BRPF3: variants seen among roughly 807,000 people sequenced by gnomAD.
The protein encoded by BRPF3 is bromodomain and PHD finger-containing protein 3.
A neutral mutation model predicts 102.0 loss-of-function variants in BRPF3; 18 were observed. The ratio of observed to expected loss-of-function variants is 0.18; its 90% confidence interval spans 0.12 to 0.26. BRPF3 has a LOEUF of 0.26. Among genes scored for constraint, BRPF3 ranks in the 10% least tolerant of loss-of-function variants. The pLI, the probability that BRPF3 is intolerant of heterozygous loss-of-function variation, is 1.00. For synonymous variants in BRPF3, 570 were observed against 614.2 expected (o/e 0.93, Z 1.06); for missense variants, 1,147 against 1,567.8 (o/e 0.73, Z 4.53).
Position 36,209,820 on chromosome 6 carries a change from C to T in BRPF3, c.1771C>T (p.Leu591=), listed in dbSNP as rs73730485. 3,633 of 1,614,196 alleles carry T rather than the reference C, an allele frequency of 2.3e-3. 65 individuals carry two copies. In the African/African-American group the frequency reaches 0.043, roughly 19 times the overall value. The change falls in exon 5 of 13, where the codon CTG becomes TTG. Residue 591 remains leucine, a synonymous_variant. Transcript: ENST00000357641. ...KVQQAAMELE[L]MPFNVLLRTT... ...CCAGCAGGCTGCCATGGAGCTGGAG[C>T]TGATGCCATTCAATGTTCTGTTGAG...
Position 36,225,287 on chromosome 6 carries a change from T to G in BRPF3, c.3202T>G (p.Phe1068Val). 2 of 1,609,316 alleles carry G rather than the reference T, an allele frequency of 1.2e-6. No homozygotes were observed. The highest frequency in any genetic ancestry group is 1.7e-6 in the Non-Finnish European group (2 of 1,179,990). ...NGSGRSLLLP[F>V]EDRGDLEPLE... ...CCCAGGCAGAAGCCTCCTGCTGCCC[T>G]TTGAAGACCGCGGAGACCTGGAGCC... The change falls in exon 11 of 13, where the codon TTT becomes GTT. Residue 1068 changes from phenylalanine (F) to valine (V), a missense_variant. This residue lies in a region of BRPF3 where 379 missense variants were observed against 426.3 expected (regional missense o/e 0.89). Coordinates refer to ENST00000357641, the MANE Select transcript of BRPF3 (RefSeq NM_015695.3).
intron 1 of BRPF3, among the ~76,000 whole-genome samples, chr6:36,197,784 A>ATT (rs1767558077): frequency 6.6e-6 from 1 of 152,040 alleles, no homozygotes; most frequent in East Asian, 1.9e-4. Context: ...AACTCTTTTC[A>ATT]TTTCCCTCAT....
chr6:36,198,883 A>G (rs1171700948), intron 1 of BRPF3, among the ~76,000 whole-genome samples: 3 of 152,198 alleles, frequency 2.0e-5, no homozygotes, highest in Non-Finnish European at 4.4e-5. Flanking sequence ...TCTTGGCTGT[A>G]CAAGGATAGA....
At chr6:36,221,125 A>T (rs528358242) in intron 9 of BRPF3, among the ~76,000 whole-genome samples, 1 of 152,316 alleles carries the variant, frequency 6.6e-6, no homozygotes, top group African/African-American at 2.4e-5. Flanking sequence ...TTAGAATTGT[A>T]TGGGGAACAA....
At chr6:36,213,322 G>A (rs1203547622) in intron 7 of BRPF3, among the ~76,000 whole-genome samples, 1 of 152,212 alleles carries the variant, frequency 6.6e-6, no homozygotes, top group East Asian at 1.9e-4. Flanking sequence ...TGGAGCCTAG[G>A]CATTGGAATT....
rs1226573639 is a variant in BRPF3, at chr6:36,230,051, C to G, written c.3435-375C>G. ...CCTGGCATCAGCTCTACTTCCTAGC[C>G]ATCGCCCCCTAATTCTCCAACGCAA... On this transcript the variant is annotated intron_variant, in intron 12 of 12. Coordinates refer to ENST00000357641, the MANE Select transcript of BRPF3 (RefSeq NM_015695.3). The surrounding 1 kb of genome is among the most constrained non-coding windows in gnomAD (Gnocchi z 5.4). Among the ~76,000 whole-genome samples the G allele has an allele frequency of 6.6e-6, 1 of 152,212 alleles. No homozygotes were observed. The highest frequency in any genetic ancestry group is 1.5e-5 in the Non-Finnish European group (1 of 68,038).
Position 36,201,085 on chromosome 6 carries a change from C to T in BRPF3, c.763C>T (p.Leu255=). The T allele has an allele frequency of 6.2e-7, 1 of 1,614,090 alleles. No homozygotes were observed. The highest frequency in any genetic ancestry group is 8.5e-7 in the Non-Finnish European group (1 of 1,180,024). The change falls in exon 2 of 13, where the codon CTA becomes TTA. Residue 255 remains leucine, a synonymous_variant. Transcript: ENST00000357641. The surrounding 1 kb of genome is among the most constrained non-coding windows in gnomAD (Gnocchi z 5.1). The part of the protein sequence containing the change: ...GVPYIPEGQW[L]CRCCLQSPSR... ...CCCATACATCCCTGAGGGCCAGTGG[C>T]TATGCCGCTGCTGCCTGCAGTCTCC... is the stretch of plus-strand genomic sequence containing the variant.
At position 36,214,128 on chromosome 6, in the gene BRPF3, G is replaced by T. The variant is rs1768234518; in HGVS notation, c.2731G>T (p.Ala911Ser). Residue 911 changes from alanine to serine, a missense_variant, in exon 8 of 13, where the codon GCC becomes TCC. Ala to Ser is a moderately conservative substitution (Grantham distance 99, BLOSUM62 1). Transcript: ENST00000357641. ...DNGINRLSLM[A>S]PDTPAGTPLS... ...TGGCATCAACAGACTATCCCTCATG[G>T]CCCCTGACACCCCGGCCGGTACCCC... is the stretch of plus-strand genomic sequence containing the variant. 6.2e-7 allele frequency: 1 copy of T among 1,614,088 alleles called. No homozygotes were observed. Among genetic ancestry groups the T allele is most frequent in the Non-Finnish European group, 8.5e-7 (1 of 1,180,054 alleles).
Position 36,230,319 on chromosome 6 carries a change from TG to T in BRPF3, c.3435-106del, listed in dbSNP as rs140225822. The T allele has an allele frequency of 6.1e-4, 710 of 1,168,512 alleles. 3 individuals carry two copies. The African/African-American group carries it at 9.0e-3, about 15-fold the overall frequency. 72.4% of individuals were successfully genotyped at this position (1,168,512 alleles called of 1,614,324 possible). A position where few individuals can be genotyped will look rare whatever the true frequency, so the allele number is the denominator to read the frequency against. On this transcript the variant is annotated intron_variant, in intron 12 of 12. Coordinates refer to ENST00000357641, the MANE Select transcript of BRPF3 (RefSeq NM_015695.3). The surrounding 1 kb of genome is among the most constrained non-coding windows in gnomAD (Gnocchi z 5.4). ...TCCCCCAATTTGCTTCCCTCTGCCCTGTACCCTCTCCCTGGCTTTGCTGGTC... is the reference window on the plus strand; with the variant it reads ...TCCCCCAATTTGCTTCCCTCTGCCCTTACCCTCTCCCTGGCTTTGCTGGTC...
Position 36,213,912 on chromosome 6 carries a change from G to A in BRPF3, c.2515G>A (p.Glu839Lys). 6.2e-7 allele frequency: 1 copy of A among 1,611,272 alleles called. No homozygotes were observed. The highest frequency in any genetic ancestry group is 8.5e-7 in the Non-Finnish European group (1 of 1,178,184). The change falls in exon 8 of 13, where the codon GAG (glutamate) becomes AAG (lysine). Residue 839 changes from glutamate to lysine, a missense_variant. Physicochemically the swap from Glu to Lys is moderately conservative, Grantham distance 56. This residue lies in a region of BRPF3 where 379 missense variants were observed against 426.3 expected (regional missense o/e 0.89). Transcript: ENST00000357641. ...CAAACTGCCTCCTCCGCCAACCCTGGAGCCCACTGGGCCTGCACCTTCCTT... is the reference window on the plus strand; with the variant it reads ...CAAACTGCCTCCTCCGCCAACCCTGAAGCCCACTGGGCCTGCACCTTCCTT... Reference protein sequence around the residue: ...DSKLPPPPTLEPTGPAPSLSE... With the variant: ...DSKLPPPPTLKPTGPAPSLSE...
rs1561818374 is a variant in BRPF3, at chr6:36,201,725, C to T, written c.1403C>T (p.Pro468Leu). 2 of 1,612,900 alleles carry T rather than the reference C, an allele frequency of 1.2e-6. No homozygotes were observed. Among genetic ancestry groups the T allele is most frequent in the Non-Finnish European group, 1.7e-6 (2 of 1,179,456 alleles). The change falls in exon 2 of 13, where the codon CCC (proline) becomes CTC (leucine). Residue 468 changes from proline (P) to leucine (L), a missense_variant. By Grantham distance (98) the Pro-to-Leu change is moderately conservative. This residue lies in a region of BRPF3 where 157 missense variants were observed against 163.6 expected (regional missense o/e 0.96). Coordinates refer to ENST00000357641, the MANE Select transcript of BRPF3 (RefSeq NM_015695.3). This position sits in a 1 kb window ranked among gnomAD's most constrained non-coding sequence, Gnocchi z 5.1. ...KEPEEAGQDTPSTLPMLAVPQ... is the reference protein window; with the variant it reads ...KEPEEAGQDTLSTLPMLAVPQ... Reference sequence around the variant, plus strand: ...CCAGAGGAAGCAGGCCAAGACACACCCTCCACTCTCCCCATGCTTGCTGTC... The same window carrying T: ...CCAGAGGAAGCAGGCCAAGACACACTCTCCACTCTCCCCATGCTTGCTGTC...
chr6:36,217,860 G>A lies in BRPF3; in HGVS notation c.2990-57G>A, dbSNP rs146432010. ...CCTGAGGTGGCTGCCTCACCCTGTA[G>A]CATGTGTTGGGAAGGGGGATTTCTG... is the stretch of plus-strand genomic sequence containing the variant. On this transcript the variant is annotated intron_variant, in intron 8 of 12. Transcript: ENST00000357641. 312 of 1,512,166 alleles carry A rather than the reference G, an allele frequency of 2.1e-4. No individual in the cohort carries two copies. In the African/African-American group the frequency reaches 2.8e-3, roughly 13 times the overall value. The allele number at this position is 1,512,166 out of a possible 1,614,324, so 93.7% of individuals were successfully genotyped here.
intron 7 of BRPF3, among the ~76,000 whole-genome samples, chr6:36,213,476 T>C (rs1260571512): frequency 6.6e-6 from 1 of 152,104 alleles, no homozygotes; most frequent in Non-Finnish European, 1.5e-5. Flanking sequence ...GGGGGATTGT[T>C]TGAGGCCAGG....
intron 3 of BRPF3, among the ~76,000 whole-genome samples, chr6:36,205,458 T>C (rs985063710): frequency 6.6e-6 from 1 of 152,224 alleles, no homozygotes; most frequent in Non-Finnish European, 1.5e-5. Context: ...CTGATCTCAC[T>C]TTTGCCTTTT....
rs367563122 is a variant in BRPF3, at chr6:36,214,086, C to T, written c.2689C>T (p.Arg897Cys). The change falls in exon 8 of 13, where the codon CGC (arginine) becomes TGC (cysteine). Residue 897 changes from arginine to cysteine, a missense_variant. By Grantham distance (180) the Arg-to-Cys change is radical (BLOSUM62 -3). Transcript: ENST00000357641. ...PLQLGNEPLQ[R>C]LLSDNGINRL... ...GCAGCTAGGGAATGAGCCTTTGCAA[C>T]GCTTGCTCAGTGACAATGGCATCAA... The T allele has an allele frequency of 7.9e-5, 127 of 1,614,188 alleles. No homozygotes were observed. The highest frequency in any genetic ancestry group is 2.5e-4 in the East Asian group (11 of 44,890).
At chr6:36,225,143 G>A in intron 10 of BRPF3, 124 bp from the exon 11 acceptor site, 1 of 679,578 alleles carries the variant, frequency 1.5e-6, no homozygotes, top group South Asian at 1.7e-5. Flanking sequence ...GGAAAAGGAA[G>A]GGTGGAGGGG....
At position 36,200,821 on chromosome 6, in the gene BRPF3, G is replaced by A. The variant is rs1308258370; in HGVS notation, c.499G>A (p.Val167Met). 2 of 1,614,178 alleles carry A rather than the reference G, an allele frequency of 1.2e-6. No homozygotes were observed. Among genetic ancestry groups the A allele is most frequent in the Non-Finnish European group, 1.7e-6 (2 of 1,180,034 alleles). The change falls in exon 2 of 13, where the codon GTG (valine) becomes ATG (methionine). Residue 167 changes from valine (V) to methionine (M), a missense_variant. By Grantham distance (21) the Val-to-Met change is conservative (BLOSUM62 1). Transcript: ENST00000357641. The surrounding 1 kb of genome is among the most constrained non-coding windows in gnomAD (Gnocchi z 5.3). ...GGAGGACCTTGCCTGGCTGGACATGGTGAATGAAAAACGGCGAGTAGATGG... is the reference window on the plus strand; with the variant it reads ...GGAGGACCTTGCCTGGCTGGACATGATGAATGAAAAACGGCGAGTAGATGG... ...DEEDLAWLDM[V>M]NEKRRVDGHS... is the part of the protein sequence containing the mutation.
chr6:36,230,577 C>T lies in BRPF3; in HGVS notation c.3586C>T (p.Pro1196Ser). 2 of 1,614,056 alleles carry T rather than the reference C, an allele frequency of 1.2e-6. No homozygotes were observed. The highest frequency in any genetic ancestry group is 1.7e-6 in the Non-Finnish European group (2 of 1,179,978). ...GATCCACCTGAGCAGAGTCCGGGGG[C>T]CCCACTCCTTCGTCACTTCCAGCTA... ...AMIHLSRVRGPHSFVTSSYL is the reference protein window; with the variant it reads ...AMIHLSRVRGSHSFVTSSYL The change falls in exon 13 of 13, where the codon CCC becomes TCC. Residue 1196 changes from proline (P) to serine (S), a missense_variant. Pro to Ser is a moderately conservative substitution (Grantham distance 74). This residue lies in a region of BRPF3 where 85 missense variants were observed against 172.9 expected (regional missense o/e 0.49). Transcript: ENST00000357641. The surrounding 1 kb of genome is among the most constrained non-coding windows in gnomAD (Gnocchi z 5.4).
At chr6:36,228,771 TG>T in intron 11 of BRPF3, 130 bp from the exon 12 acceptor site, 1 of 1,057,144 alleles carries the variant, frequency 9.5e-7, no homozygotes, top group Non-Finnish European at 1.4e-6. Flanking sequence ...CTGTCTGGTC[TG>T]GACATCAAAG....
Sources: gnomAD v4.1 joint callset for allele counts (sites outside exome capture counted in the v4.1 genomes callset) on GRCh38, gnomAD v4.1.1 for gene constraint, gnomAD v4.1.1 regional missense constraint, Gnocchi (gnomAD v3.1) non-coding constraint, MANE v1.5 for transcripts, NCBI Gene and HGNC (gene_info 2026-07-23, HGNC 2026-07-21) for gene names.